The following DGKH variants were observed in gnomAD, a reference collection of about 807,000 sequenced individuals.
The protein encoded by DGKH is diacylglycerol kinase eta, also known as DAG kinase eta.
Under a neutral mutation model 159.3 loss-of-function variants are expected in DGKH, and 90 were observed. The ratio of observed to expected loss-of-function variants is 0.57; its 90% CI spans 0.48 to 0.67. DGKH has a LOEUF of 0.67. Ranked by LOEUF, DGKH falls within the 30% of genes least tolerant of loss-of-function variation. The probability of loss-of-function intolerance (pLI) is 0.00; values close to 1 mark genes in which losing one functional copy is unlikely to be tolerated. For missense variants in DGKH, 1,181 were observed against 1,506.1 expected (o/e 0.78, Z 3.57); for synonymous variants, 536 against 553.8 (o/e 0.97, Z 0.45).
At position 42,048,906 on chromosome 13, in the gene DGKH, C is replaced by G; in HGVS notation, c.133C>G (p.Gln45Glu). Residue 45 changes from glutamine to glutamate, a missense_variant, in exon 1 of 30, where the codon CAA (glutamine) becomes GAA (glutamate). Physicochemically the swap from Gln to Glu is conservative, Grantham distance 29. Coordinates refer to ENST00000337343, the MANE Select transcript of DGKH (RefSeq NM_178009.5). The surrounding 1 kb of genome is among the most constrained non-coding windows in gnomAD (Gnocchi z 6.7). ...GEDSSDSEAE[Q>E]EGPQKLIRKV... is the part of the protein sequence containing the mutation. ...GGATTCGTCTGACAGCGAAGCGGAG[C>G]AAGAGGGACCCCAGAAACTGATCCG... 1 of 1,357,924 alleles carries G rather than the reference C, an allele frequency of 7.4e-7. No homozygotes were observed. The highest frequency in any genetic ancestry group is 9.5e-7 in the Non-Finnish European group (1 of 1,048,412). 84.1% of individuals were successfully genotyped at this position (1,357,924 alleles called of 1,614,324 possible).
chr13:42,176,289 C>T (rs992575263), intron 12 of DGKH, among the ~76,000 whole-genome samples: 5 of 152,054 alleles, frequency 3.3e-5, no homozygotes, highest in Middle Eastern at 3.4e-3. Flanking sequence ...TATTTTCTAC[C>T]CTGCAGGGAA....
At position 42,199,766 on chromosome 13, in the gene DGKH, T is replaced by C. The variant is rs201427201; in HGVS notation, c.2397-47T>C. 1.1e-5 allele frequency: 17 copies of C among 1,577,974 alleles called. No individual in the cohort carries two copies. The African/African-American group carries it at 2.0e-4, about 19-fold the overall frequency. On this transcript the variant is annotated intron_variant, in intron 19 of 29. Coordinates refer to ENST00000337343, the MANE Select transcript of DGKH (RefSeq NM_178009.5). ...TTTTGCTTGCTCTGCCTTTAAGGAG[T>C]AAATAAATAAAATTTCCTGAAATTG... is the stretch of plus-strand genomic sequence containing the variant.
chr13:42,164,290 A>G (rs1956261221), intron 7 of DGKH, among the ~76,000 whole-genome samples: 1 of 152,334 alleles, frequency 6.6e-6, no homozygotes, highest in African/African-American at 2.4e-5. Flanking sequence ...TAGCATTATT[A>G]TAAATACCTT....
chr13:42,163,787 G>A (rs1472518641), intron 7 of DGKH, among the ~76,000 whole-genome samples: 6 of 151,064 alleles, frequency 4.0e-5, no homozygotes, highest in African/African-American at 1.2e-4. Context: ...AGTAGGTTGC[G>A]AAAATTTTCT....
chr13:42,081,876 A>T (rs1185392056), intron 1 of DGKH, among the ~76,000 whole-genome samples: 2 of 152,154 alleles, frequency 1.3e-5, no homozygotes, highest in Admixed American at 6.5e-5. Flanking sequence ...GCTCATTGGT[A>T]TTGAGGTGTC....
intron 28 of DGKH, among the ~76,000 whole-genome samples, chr13:42,220,486 C>T (rs960143010): frequency 6.6e-6 from 1 of 152,078 alleles, no homozygotes; most frequent in Non-Finnish European, 1.5e-5. Context: ...CCTTTCATAA[C>T]CAAATAATTT....
At chr13:42,216,741 G>A (rs1265647981) in intron 26 of DGKH, 1 of 152,176 alleles carries the variant, frequency 6.6e-6, no homozygotes, top group Non-Finnish European at 1.5e-5. Context: ...GCTCTACTAT[G>A]GCCATGAAGA....
intron 15 of DGKH, 100 bp downstream of exon 15, chr13:42,189,409 A>T: frequency 1.3e-6 from 2 of 1,486,008 alleles, no homozygotes; most frequent in Non-Finnish European, 1.8e-6. Context: ...ACTTTTTAAA[A>T]ATAAAATTTT....
intron 14 of DGKH, among the ~76,000 whole-genome samples, chr13:42,188,334 A>G (rs1203010361): frequency 2.6e-5 from 4 of 152,220 alleles, no homozygotes; most frequent in Non-Finnish European, 5.9e-5. Flanking sequence ...ATACAAGAAA[A>G]GCAGAAAGAA....
intron 11 of DGKH, among the ~76,000 whole-genome samples, chr13:42,170,548 A>G (rs1305848244): frequency 2.6e-5 from 4 of 151,042 alleles, no homozygotes; most frequent in Non-Finnish European, 5.9e-5. Context: ...AAAAGAAAAT[A>G]CACACACACA....
At chr13:42,049,210 C>T (rs1388555206) in intron 1 of DGKH, among the ~76,000 whole-genome samples, 26 of 148,232 alleles carry the variant, frequency 1.8e-4, no homozygotes, top group African/African-American at 6.3e-4. Flanking sequence ...GGCCCGGGGG[C>T]GCTGGACCGC....
chr13:42,219,879 C>A, intron 28 of DGKH, 85 bp downstream of exon 28: 1 of 1,212,518 alleles, frequency 8.2e-7, no homozygotes, highest in Non-Finnish European at 1.2e-6. Context: ...TGAAAATGTT[C>A]TGGAGCTAGA....
At chr13:42,138,817 T>C (rs1346262727) in intron 3 of DGKH, among the ~76,000 whole-genome samples, 1 of 152,182 alleles carries the variant, frequency 6.6e-6, no homozygotes, top group African/African-American at 2.4e-5. Flanking sequence ...TTAACATTTA[T>C]ATTAGTTAAA....
chr13:42,126,442 G>A (rs1955174037), intron 1 of DGKH, among the ~76,000 whole-genome samples: 1 of 152,182 alleles, frequency 6.6e-6, no homozygotes, highest in Admixed American at 6.5e-5. Context: ...TACAGCAGGA[G>A]TATGTAGGCC....
At chr13:42,247,264 C>A (rs1021449447), downstream of DGKH, among the ~76,000 whole-genome samples, 9 of 128,252 alleles carry the variant, frequency 7.0e-5, no homozygotes, top group Non-Finnish European at 1.4e-4. Flanking sequence ...CAGTCTTGCT[C>A]TGTTGGTCCA....
chr13:42,217,878 A>G (rs920841323), intron 26 of DGKH, among the ~76,000 whole-genome samples: 17 of 152,142 alleles, frequency 1.1e-4, no homozygotes, highest in Non-Finnish European at 2.4e-4. Context: ...TACTAAAAAT[A>G]CAAAAATTAG....
At chr13:42,120,236 A>G in intron 1 of DGKH, among the ~76,000 whole-genome samples, 1 of 152,224 alleles carries the variant, frequency 6.6e-6, no homozygotes, top group East Asian at 1.9e-4. Flanking sequence ...AGGACTGAAA[A>G]CATGGAATGA....
Position 42,209,445 on chromosome 13 carries a change from C to G in DGKH, c.2830C>G (p.Gln944Glu). 1.2e-6 allele frequency: 2 copies of G among 1,611,956 alleles called. No individual in the cohort carries two copies. Among genetic ancestry groups the G allele is most frequent in the Non-Finnish European group, 1.7e-6 (2 of 1,179,316 alleles). The change falls in exon 23 of 30, where the codon CAA becomes GAA. Residue 944 changes from glutamine (Q) to glutamate (E), a missense_variant. By Grantham distance (29) the Gln-to-Glu change is conservative. Around this residue, in one of 5 missense-constraint regions of DGKH, gnomAD observed 335 missense variants for 495.2 expected, o/e 0.68. Coordinates refer to ENST00000337343, the MANE Select transcript of DGKH (RefSeq NM_178009.5). ...CAAAATTGTGCACAAAAACAGAGCA[C>G]AAATGCTAACAAGGGACAGAGTATG... ...IIKIVHKNRA[Q>E]MLTRDRAFES...
At chr13:42,195,103 T>A in intron 17 of DGKH, 87 bp downstream of exon 17, 6 of 1,481,454 alleles carry the variant, frequency 4.1e-6, no homozygotes, top group Middle Eastern at 1.8e-4. Context: ...GGAAACATGT[T>A]CTTAAAGATA....
Sources: allele counts gnomAD v4.1 joint callset (sites outside exome capture counted in the v4.1 genomes callset), GRCh38; gene constraint gnomAD v4.1.1; regional missense constraint gnomAD v4.1.1; non-coding constraint Gnocchi (gnomAD v3.1); transcripts MANE v1.5; gene names NCBI Gene and HGNC (gene_info 2026-07-23, HGNC 2026-07-21).